The following MOB3B variants were observed in gnomAD, a reference collection of about 807,000 sequenced individuals.
MOB3B encodes the protein MOB kinase activator 3B.
In MOB3B, 7 loss-of-function variants were observed where a neutral mutation model predicts 18.7. That is an observed-to-expected ratio of 0.37 (90% confidence interval 0.21 to 0.70). The LOEUF is 0.70. MOB3B is among the 30% of genes least tolerant of loss of function. The pLI is 0.52. For synonymous variants in MOB3B, 111 were observed against 99.9 expected, an observed-to-expected ratio of 1.11 and a Z score of -0.66; for missense variants, 253 against 281.3, an observed-to-expected ratio of 0.90 and a Z score of 0.72.
chr9:27,406,212 GA>G (rs140320003), intron 2 of MOB3B, among the ~76,000 whole-genome samples: 39 of 152,220 alleles, frequency 2.6e-4, no homozygotes, highest in African/African-American at 8.2e-4. Context: ...AATTGATGAA[GA>G]AATTCAGTAA....
intron 1 of MOB3B, among the ~76,000 whole-genome samples, chr9:27,489,739 A>ATTTTTTTTTTTTTTT (rs1554652743): frequency 8.9e-4 from 9 of 10,078 alleles, no homozygotes; most frequent in Middle Eastern, 0.033. Context: ...TAAGGAAATA[A>ATTTTTTTTTTTTTTT]TCTTTTTTTT....
chr9:27,433,391 A>G (rs1822445838), intron 2 of MOB3B, among the ~76,000 whole-genome samples: 1 of 152,148 alleles, frequency 6.6e-6, no homozygotes, highest in South Asian at 2.1e-4. Context: ...TTAAACTGAG[A>G]AGCAGCCATG....
intron 3 of MOB3B, among the ~76,000 whole-genome samples, chr9:27,336,693 T>A (rs554171450): frequency 6.6e-6 from 1 of 152,228 alleles, no homozygotes; most frequent in South Asian, 2.1e-4. Context: ...AGCCGTTGGA[T>A]GTTTAATGGT....
chr9:27,347,859 T>C (rs1821051517), intron 3 of MOB3B, among the ~76,000 whole-genome samples: 1 of 152,242 alleles, frequency 6.6e-6, no homozygotes, highest in South Asian at 2.1e-4. Flanking sequence ...CTAGGAGCAA[T>C]AGGCTATACC....
At chr9:27,393,049 CTTTT>C (rs1821749178) in intron 2 of MOB3B, among the ~76,000 whole-genome samples, 1 of 152,124 alleles carries the variant, frequency 6.6e-6, no homozygotes, top group Admixed American at 6.6e-5. Context: ...TTATTTTTAG[CTTTT>C]TTTCTCTTGC....
chr9:27,459,657 G>T (rs898316400), intron 1 of MOB3B, among the ~76,000 whole-genome samples: 1 of 151,934 alleles, frequency 6.6e-6, no homozygotes, highest in Non-Finnish European at 1.5e-5. Context: ...GAATACAATC[G>T]CCTTGACAGA....
chr9:27,403,476 A>G (rs145829969), intron 2 of MOB3B, among the ~76,000 whole-genome samples: 10 of 147,180 alleles, frequency 6.8e-5, no homozygotes, highest in African/African-American at 1.8e-4. Flanking sequence ...AGTTATCTCT[A>G]TCTCCTAAAC....
intron 1 of MOB3B, among the ~76,000 whole-genome samples, chr9:27,488,739 A>T (rs1819769177): frequency 6.6e-6 from 1 of 152,154 alleles, no homozygotes; most frequent in African/African-American, 2.4e-5. Flanking sequence ...GTCATGGCAT[A>T]CCCATCGAGT....
Position 27,329,252 on chromosome 9 carries a change from C to G in MOB3B, c.*1335G>C, listed in dbSNP as rs963668789. ...GATCACTGGAAGTATTATGACCCCC[C>G]TCGTCACAGGTGGTCAGAACCACCA... On this transcript the variant is annotated 3_prime_UTR_variant, in exon 4 of 4. Coordinates refer to ENST00000262244, the MANE Select transcript of MOB3B (RefSeq NM_024761.5). 1 of 152,130 alleles carries G rather than the reference C, an allele frequency of 6.6e-6. No homozygotes were observed. Among genetic ancestry groups the G allele is most frequent in the African/African-American group, 2.4e-5 (1 of 41,420 alleles). 9.4% of individuals were successfully genotyped at this position (152,130 alleles called of 1,614,324 possible).
At chr9:27,338,075 G>A (rs1820888582) in intron 3 of MOB3B, among the ~76,000 whole-genome samples, 1 of 152,148 alleles carries the variant, frequency 6.6e-6, no homozygotes, top group South Asian at 2.1e-4. Context: ...GATCCAGGGA[G>A]AAATAAAACT....
intron 3 of MOB3B, among the ~76,000 whole-genome samples, chr9:27,357,144 A>ATATATATATATATATATGTG (rs1486801059): frequency 1.9e-4 from 15 of 80,970 alleles, no homozygotes; most frequent in African/African-American, 6.3e-4. Context: ...ATATATATAT[A>ATATATATATATATATATGTG]TGTGTTTTTT....
chr9:27,330,406 A>T lies in MOB3B; in HGVS notation c.*181T>A. 1.4e-6 allele frequency: 1 copy of T among 709,100 alleles called. No individual in the cohort carries two copies. The highest frequency in any genetic ancestry group is 2.0e-5 in the South Asian group (1 of 51,150). The allele number at this position is 709,100 out of a possible 1,614,324, so 43.9% of individuals were successfully genotyped here. The stretch of plus-strand genomic sequence containing the variant: ...TCGTCCACAGGTCTGGGCTAGCAGC[A>T]CTCAGAAGGTTAAGAGCACACAAAG... On this transcript the variant is annotated 3_prime_UTR_variant, in exon 4 of 4. Transcript: ENST00000262244.
chr9:27,420,535 CATCTGTATATTCCATATATATAT>C (rs1822227830), intron 2 of MOB3B, among the ~76,000 whole-genome samples: 1 of 97,604 alleles, frequency 1.0e-5, no homozygotes, highest in African/African-American at 4.1e-5. Flanking sequence ...CTATATATTC[CATCTGTATATTCCATATATATAT>C]ATATATATAT....
intron 3 of MOB3B, chr9:27,358,804 C>T: frequency 1.4e-6 from 1 of 723,944 alleles, no homozygotes; most frequent in Non-Finnish European, 2.5e-6. Flanking sequence ...TATTATATTC[C>T]CACAACATTC....
At chr9:27,387,185 C>T (rs947880925) in intron 2 of MOB3B, among the ~76,000 whole-genome samples, 9 of 152,140 alleles carry the variant, frequency 5.9e-5, no homozygotes, top group African/African-American at 2.2e-4. Flanking sequence ...AATAATCATT[C>T]ATTTAAAATA....
chr9:27,326,523 G>A lies in MOB3B; in HGVS notation c.*4064C>T, dbSNP rs1820714119. ...CAAGATGTTGTGGAGGGTTCAGTGG[G>A]TTGGTTATACCAAAGAATGCTATAG... On this transcript the variant is annotated 3_prime_UTR_variant, in exon 4 of 4. Transcript: ENST00000262244. 1 of 398,458 alleles carries A rather than the reference G, an allele frequency of 2.5e-6. No homozygotes were observed. The highest frequency in any genetic ancestry group is 4.4e-6 in the Non-Finnish European group (1 of 226,058). The allele number at this position is 398,458 out of a possible 1,614,324, so 24.7% of individuals were successfully genotyped here. A position where few individuals can be genotyped will look rare whatever the true frequency, so the allele number is the denominator to read the frequency against.
chr9:27,519,147 T>C (rs1820286563), intron 1 of MOB3B, among the ~76,000 whole-genome samples: 1 of 152,192 alleles, frequency 6.6e-6, no homozygotes, highest in Non-Finnish European at 1.5e-5. Context: ...GTCCTCTCCA[T>C]ATCCCTACAC....
chr9:27,395,730 C>A (rs1821788660), intron 2 of MOB3B, among the ~76,000 whole-genome samples: 1 of 152,180 alleles, frequency 6.6e-6, no homozygotes, highest in Admixed American at 6.5e-5. Flanking sequence ...AAAGGCAACA[C>A]AGAACGGTAG....
intron 2 of MOB3B, among the ~76,000 whole-genome samples, chr9:27,409,894 G>A (rs927709764): frequency 2.0e-5 from 3 of 151,760 alleles, no homozygotes; most frequent in Non-Finnish European, 4.4e-5. Context: ...GAGACAGAAA[G>A]TGGAATAGAG....
Sources: gnomAD v4.1 joint callset for allele counts (sites outside exome capture counted in the v4.1 genomes callset) on GRCh38, gnomAD v4.1.1 for gene constraint, MANE v1.5 for transcripts, NCBI Gene and HGNC (gene_info 2026-07-23, HGNC 2026-07-21) for gene names.